SUGCT: variants seen among roughly 807,000 people sequenced by gnomAD.
SUGCT encodes succinyl-CoA:glutarate CoA-transferase.
Under a neutral mutation model 55.0 loss-of-function variants are expected in SUGCT, and 41 were observed. The observed-to-expected ratio is 0.74, with a 90% confidence interval of 0.58 to 0.97. The LOEUF is 0.97. Ranked by LOEUF, SUGCT falls within the 50% of genes least tolerant of loss-of-function variation. SUGCT has a pLI of 0.00. For synonymous variants in SUGCT, 187 were observed against 200.4 expected, an observed-to-expected ratio of 0.93 and a Z score of 0.56; for missense variants, 568 against 547.8, an observed-to-expected ratio of 1.04 and a Z score of -0.37.
At chr7:40,377,718 A>G (rs1784674822) in intron 9 of SUGCT, among the ~76,000 whole-genome samples, 3 of 152,152 alleles carry the variant, frequency 2.0e-5, no homozygotes, top group Admixed American at 1.3e-4. Flanking sequence ...GATTTTAGTT[A>G]CTATATAGTG....
chr7:40,176,179 C>T (rs1784914008), intron 1 of SUGCT, among the ~76,000 whole-genome samples: 1 of 151,616 alleles, frequency 6.6e-6, no homozygotes, highest in South Asian at 2.1e-4. Flanking sequence ...TTGCAGTGAG[C>T]TGAGATCACT....
chr7:40,191,179 G>A (rs1207514663), intron 5 of SUGCT, among the ~76,000 whole-genome samples: 1 of 152,074 alleles, frequency 6.6e-6, no homozygotes. Context: ...ACCATGCCCG[G>A]CTAATTTTTA....
At chr7:40,553,513 A>T (rs1308448225) in intron 12 of SUGCT, among the ~76,000 whole-genome samples, 1 of 152,190 alleles carries the variant, frequency 6.6e-6, no homozygotes. Context: ...GAATTTCTCC[A>T]TGGATTTACA....
At chr7:40,549,499 A>T (rs1272413786) in intron 12 of SUGCT, among the ~76,000 whole-genome samples, 1 of 152,122 alleles carries the variant, frequency 6.6e-6, no homozygotes, top group East Asian at 1.9e-4. Flanking sequence ...CTGCCTTAGG[A>T]ATTTATTATC....
chr7:40,883,551 G>A, the SUGCT span, among the ~76,000 whole-genome samples: 1 of 152,112 alleles, frequency 6.6e-6, no homozygotes, highest in Non-Finnish European at 1.5e-5. Flanking sequence ...GCATAATATA[G>A]CTATTTATCT....
chr7:40,947,797 G>T, the SUGCT span, among the ~76,000 whole-genome samples: 69 of 152,296 alleles, frequency 4.5e-4, no homozygotes, highest in African/African-American at 1.7e-3. Context: ...CCCTGCCATT[G>T]CCAAGAGTCT....
intron 12 of SUGCT, among the ~76,000 whole-genome samples, chr7:40,667,176 A>G (rs1036775128): frequency 6.6e-6 from 1 of 151,712 alleles, no homozygotes; most frequent in African/African-American, 2.4e-5. Flanking sequence ...CTAATGAGAT[A>G]GAAAACATTT....
chr7:40,366,607 T>C (rs1783987995), intron 9 of SUGCT, among the ~76,000 whole-genome samples: 1 of 152,120 alleles, frequency 6.6e-6, no homozygotes, highest in African/African-American at 2.4e-5. Context: ...GGGCGAAGGA[T>C]ATGAACAGAC....
At chr7:40,519,314 A>G (rs1306161735) in intron 12 of SUGCT, among the ~76,000 whole-genome samples, 1 of 152,040 alleles carries the variant, frequency 6.6e-6, no homozygotes, top group Non-Finnish European at 1.5e-5. Context: ...AATCTGAATA[A>G]AGTCTTTAGT....
At chr7:40,765,501 T>A (rs1788739668) in intron 13 of SUGCT, among the ~76,000 whole-genome samples, 1 of 151,280 alleles carries the variant, frequency 6.6e-6, no homozygotes, top group Non-Finnish European at 1.5e-5. Flanking sequence ...GTTTTTCTCC[T>A]GAAATAAAAA....
At chr7:40,552,161 C>T (rs1294128087) in intron 12 of SUGCT, among the ~76,000 whole-genome samples, 1 of 152,110 alleles carries the variant, frequency 6.6e-6, no homozygotes, top group Non-Finnish European at 1.5e-5. Context: ...CACTGTGATA[C>T]ATTGAAAGGG....
intron 1 of SUGCT, among the ~76,000 whole-genome samples, chr7:40,167,475 T>C (rs1041744745): frequency 2.0e-5 from 3 of 152,156 alleles, no homozygotes; most frequent in Non-Finnish European, 4.4e-5. Context: ...GCTCCCAAGA[T>C]GGTGGCAGGC....
intron 13 of SUGCT, among the ~76,000 whole-genome samples, chr7:40,857,132 A>T (rs1010703363): frequency 9.3e-4 from 141 of 152,302 alleles, no homozygotes; most frequent in African/African-American, 3.2e-3. Flanking sequence ...TTGCCAAAAA[A>T]TTTAAGAACA....
intron 12 of SUGCT, among the ~76,000 whole-genome samples, chr7:40,598,301 T>C (rs1265156938): frequency 3.3e-5 from 5 of 152,174 alleles, no homozygotes; most frequent in Non-Finnish European, 5.9e-5. Context: ...CAGTAGACTA[T>C]AGTTAGAGTG....
At chr7:40,363,042 A>C (rs1583512240) in intron 9 of SUGCT, among the ~76,000 whole-genome samples, 1 of 152,148 alleles carries the variant, frequency 6.6e-6, no homozygotes, top group Admixed American at 6.6e-5. Context: ...TAGACTTGGG[A>C]GGGTGTATGT....
chr7:40,145,100 C>T lies in SUGCT; in HGVS notation c.100+9980C>T, dbSNP rs114091361. ...TGGATGATACCCCTTTAACTTTAGCCAATATGTTTACAAACAGAATTTTCT... is the reference window on the plus strand; with the variant it reads ...TGGATGATACCCCTTTAACTTTAGCTAATATGTTTACAAACAGAATTTTCT... On this transcript the variant is annotated intron_variant, in intron 1 of 13. Coordinates refer to ENST00000335693, the MANE Select transcript of SUGCT (RefSeq NM_001193313.2). 3.4e-3 allele frequency among the ~76,000 whole-genome samples: 521 copies of T among 152,184 alleles called. 4 individuals are homozygous for T. The highest frequency in any genetic ancestry group is 0.012 in the African/African-American group (486 of 41,534).
intron 13 of SUGCT, among the ~76,000 whole-genome samples, chr7:40,758,759 C>T (rs1788383641): frequency 6.6e-6 from 1 of 152,068 alleles, no homozygotes; most frequent in Admixed American, 6.6e-5. Context: ...TCTAATACCA[C>T]ATAGGAAGGG....
chr7:40,685,380 G>A (rs565487176), intron 12 of SUGCT, among the ~76,000 whole-genome samples: 14 of 152,250 alleles, frequency 9.2e-5, no homozygotes, highest in African/African-American at 2.2e-4. Context: ...CTCTATAGAC[G>A]TTGCTGTTTG....
chr7:40,179,484 G>C (rs376733590), intron 1 of SUGCT, among the ~76,000 whole-genome samples: 5 of 151,862 alleles, frequency 3.3e-5, no homozygotes, highest in African/African-American at 4.8e-5. Context: ...GTGGAGACAG[G>C]GTTGGCCAGG....
Sources: gnomAD v4.1 joint callset for allele counts (sites outside exome capture counted in the v4.1 genomes callset) on GRCh38, gnomAD v4.1.1 for gene constraint, MANE v1.5 for transcripts, NCBI Gene and HGNC (gene_info 2026-07-23, HGNC 2026-07-21) for gene names.